Variants in RBFOX1 observed in about 807,000 individuals in gnomAD.
RBFOX1 encodes the protein RNA binding protein fox-1 homolog 1.
In RBFOX1, 8 loss-of-function variants were observed where a neutral mutation model predicts 57.7. That is an observed-to-expected ratio of 0.14 (90% confidence interval 0.08 to 0.25). The LOEUF is 0.25. Ranked by LOEUF, RBFOX1 falls within the 10% of genes least tolerant of loss-of-function variation. The pLI is 1.00. For missense variants in RBFOX1, 611 were observed against 548.5 expected (o/e 1.11, Z -1.14); for synonymous variants, 326 against 222.4 (o/e 1.47, Z -4.15).
At chr16:6,295,665 C>G (rs1157202925) in intron 1 of RBFOX1, among the ~76,000 whole-genome samples, 5 of 152,182 alleles carry the variant, frequency 3.3e-5, no homozygotes, top group Admixed American at 2.0e-4. Context: ...TGTCCAATGA[C>G]TGGAATGAAG....
At chr16:5,985,146 C>T (rs199729776) in intron 4 of RBFOX1, among the ~76,000 whole-genome samples, 4 of 150,822 alleles carry the variant, frequency 2.7e-5, no homozygotes, top group South Asian at 2.1e-4. Context: ...CCACCATACC[C>T]GGCTCATATA....
chr16:6,303,761 G>A (rs1189482527), intron 1 of RBFOX1, among the ~76,000 whole-genome samples: 1 of 149,952 alleles, frequency 6.7e-6, no homozygotes, highest in Admixed American at 6.7e-5. Context: ...GGATCATGAG[G>A]TCACGAGTTT....
At position 7,527,225 on chromosome 16, in the gene RBFOX1, A is replaced by T. The variant is rs546908228; in HGVS notation, c.270+8836A>T. ...GGGTACTGTCTCTTGTTTCCTTAGGAGCCTGAGCACTATGCTTCTCACTCC... is the reference window on the plus strand; with the variant it reads ...GGGTACTGTCTCTTGTTTCCTTAGGTGCCTGAGCACTATGCTTCTCACTCC... On this transcript the variant is annotated intron_variant, in intron 5 of 15. Coordinates refer to ENST00000550418, the MANE Select transcript of RBFOX1 (RefSeq NM_018723.4). 1.2e-4 allele frequency among the ~76,000 whole-genome samples: 18 copies of T among 152,238 alleles called. 1 individual carries two copies. In the South Asian group the frequency reaches 3.7e-3, roughly 32 times the overall value.
In RBFOX1 at chr16:6,494,210, C is replaced by A. The variant is rs115352933; in HGVS notation, c.-63-160393C>A. On this transcript the variant is annotated intron_variant, in intron 2 of 15. Transcript: ENST00000550418. ...ACTGGCATGGCTGCAATCCACTGAC[C>A]TTATTTGAATTTCCCTAAGGTTACT... 2.3e-3 allele frequency among the ~76,000 whole-genome samples: 348 copies of A among 152,208 alleles called. 3 individuals are homozygous for A. The highest frequency in any genetic ancestry group is 7.6e-3 in the African/African-American group (315 of 41,520).
intron 2 of RBFOX1, among the ~76,000 whole-genome samples, chr16:6,607,641 T>G (rs114294453): frequency 0.012 from 1,882 of 152,026 alleles, 54 homozygotes; most frequent in African/African-American, 0.042. Flanking sequence ...CTATCTCTCC[T>G]CTCTCTTTCT....
At chr16:7,484,460 A>G (rs1446941079) in intron 4 of RBFOX1, among the ~76,000 whole-genome samples, 1 of 152,034 alleles carries the variant, frequency 6.6e-6, no homozygotes, top group Non-Finnish European at 1.5e-5. Flanking sequence ...GCATTGTAGC[A>G]TTGGGTATTT....
intron 3 of RBFOX1, among the ~76,000 whole-genome samples, chr16:5,617,920 G>T (rs2048085983): frequency 6.6e-6 from 1 of 152,212 alleles, no homozygotes; most frequent in Non-Finnish European, 1.5e-5. Flanking sequence ...TATCTACTAG[G>T]AGGGTATTGT....
At chr16:7,276,122 A>T (rs1238755023) in intron 4 of RBFOX1, among the ~76,000 whole-genome samples, 1 of 152,226 alleles carries the variant, frequency 6.6e-6, no homozygotes, top group Non-Finnish European at 1.5e-5. Flanking sequence ...AGGCTTGTAG[A>T]TTTAAAGAGA....
At chr16:5,505,150 C>T (rs1040231698) in intron 2 of RBFOX1, among the ~76,000 whole-genome samples, 1 of 152,192 alleles carries the variant, frequency 6.6e-6, no homozygotes, top group Non-Finnish European at 1.5e-5. Context: ...GTTATTAAAG[C>T]AAGCAATGAA....
intron 4 of RBFOX1, among the ~76,000 whole-genome samples, chr16:7,345,228 G>A (rs2096973619): frequency 6.6e-6 from 1 of 152,196 alleles, no homozygotes; most frequent in Non-Finnish European, 1.5e-5. Context: ...CAGCTTGCAA[G>A]CGATGTCTTC....
intron 1 of RBFOX1, among the ~76,000 whole-genome samples, chr16:6,287,382 A>G (rs1261596473): frequency 6.6e-6 from 1 of 152,160 alleles, no homozygotes; most frequent in Non-Finnish European, 1.5e-5. Flanking sequence ...CTTGCTAAGA[A>G]TCCTGTATTA....
At chr16:6,547,106 A>AT (rs2096907244) in intron 2 of RBFOX1, among the ~76,000 whole-genome samples, 1 of 152,210 alleles carries the variant, frequency 6.6e-6, no homozygotes, top group South Asian at 2.1e-4. Flanking sequence ...ACTCTATTGC[A>AT]TTGAGAATAA....
At chr16:5,632,100 T>A (rs1459254721) in intron 3 of RBFOX1, among the ~76,000 whole-genome samples, 1 of 152,236 alleles carries the variant, frequency 6.6e-6, no homozygotes, top group Non-Finnish European at 1.5e-5. Flanking sequence ...GAAGGGCATC[T>A]GTGTGTGCCC....
chr16:7,351,654 G>T (rs968453152), intron 4 of RBFOX1, among the ~76,000 whole-genome samples: 29 of 152,148 alleles, frequency 1.9e-4, no homozygotes, highest in African/African-American at 6.8e-4. Flanking sequence ...TAGCTCACTT[G>T]TTCTCTTTTT....
chr16:7,328,206 G>A (rs1186803392), intron 4 of RBFOX1, among the ~76,000 whole-genome samples: 1 of 152,118 alleles, frequency 6.6e-6, no homozygotes, highest in Non-Finnish European at 1.5e-5. Flanking sequence ...GAGGTTCTGG[G>A]CGCGGTGGCT....
At chr16:7,526,993 T>C (rs2078852293) in intron 5 of RBFOX1, among the ~76,000 whole-genome samples, 1 of 152,172 alleles carries the variant, frequency 6.6e-6, no homozygotes, top group Admixed American at 6.5e-5. Flanking sequence ...GAATTACTCA[T>C]TTCACCCTGG....
intron 1 of RBFOX1, among the ~76,000 whole-genome samples, chr16:5,304,094 A>G (rs1010614651): frequency 1.3e-5 from 2 of 152,234 alleles, no homozygotes; most frequent in Non-Finnish European, 2.9e-5. Flanking sequence ...TCTCCAAAGG[A>G]ATATTTAAGT....
At position 6,540,288 on chromosome 16, in the gene RBFOX1, C is replaced by A. The variant is rs996260680; in HGVS notation, c.-63-114315C>A. On this transcript the variant is annotated intron_variant, in intron 2 of 15. Coordinates refer to ENST00000550418, the MANE Select transcript of RBFOX1 (RefSeq NM_018723.4). ...CAATTGTTCTTTATTCGTAGATAGC[C>A]ATCATATAAGCTGGCTGGCTGTAAA... 2.0e-5 allele frequency among the ~76,000 whole-genome samples: 3 copies of A among 146,820 alleles called. No homozygotes were observed. The East Asian group carries it at 6.0e-4, about 30-fold the overall frequency.
chr16:6,877,786 C>T (rs568979082), intron 3 of RBFOX1, among the ~76,000 whole-genome samples: 2 of 152,064 alleles, frequency 1.3e-5, no homozygotes, highest in South Asian at 2.1e-4. Context: ...TTAACGCATG[C>T]AGTTACATTT....
Sources: gnomAD v4.1 joint callset for allele counts (sites outside exome capture counted in the v4.1 genomes callset) on GRCh38, gnomAD v4.1.1 for gene constraint, MANE v1.5 for transcripts, NCBI Gene and HGNC (gene_info 2026-07-23, HGNC 2026-07-21) for gene names.